The following BMPER variants were observed in gnomAD, a reference collection of about 807,000 sequenced individuals.
BMPER encodes BMP-binding endothelial regulator protein.
BMPER carries 45 observed loss-of-function variants against 87.3 expected under a neutral mutation model. The observed-to-expected ratio is 0.52, with a 90% confidence interval of 0.41 to 0.66. BMPER has a LOEUF of 0.66. BMPER is among the 30% of genes least tolerant of loss of function. BMPER has a pLI of 0.00. For missense variants in BMPER, 784 were observed against 867.5 expected (o/e 0.90, Z 1.21); for synonymous variants, 326 against 316.2 (o/e 1.03, Z -0.33).
chr7:34,090,060 C>T (rs975924542), intron 13 of BMPER, among the ~76,000 whole-genome samples: 1 of 152,130 alleles, frequency 6.6e-6, no homozygotes, highest in Non-Finnish European at 1.5e-5. Flanking sequence ...CTTTAATTAA[C>T]TAACTGAATA....
At chr7:34,070,906 G>A (rs970319456) in intron 11 of BMPER, among the ~76,000 whole-genome samples, 2 of 150,830 alleles carry the variant, frequency 1.3e-5, no homozygotes, top group Non-Finnish European at 2.9e-5. Flanking sequence ...AAGAAATGCT[G>A]GTTGTTTGGA....
chr7:33,985,300 T>C (rs1785975606), intron 6 of BMPER, among the ~76,000 whole-genome samples: 1 of 152,230 alleles, frequency 6.6e-6, no homozygotes, highest in Non-Finnish European at 1.5e-5. Context: ...ATCCTTGTTA[T>C]TTTCATTTAA....
In BMPER at chr7:34,044,440, C is replaced by T. The variant is rs566366008; in HGVS notation, c.577-1866C>T. Among the ~76,000 whole-genome samples, 71 of 152,200 alleles carry T rather than the reference C, an allele frequency of 4.7e-4. 1 individual carries two copies. The highest frequency in any genetic ancestry group is 5.0e-4 in the Non-Finnish European group (34 of 68,046). On this transcript the variant is annotated intron_variant, in intron 6 of 14. Coordinates refer to ENST00000649409, the MANE Select transcript of BMPER (RefSeq NM_001365308.1). ...ATAGGCAACCTTGTGTGGCCCGAGG[C>T]TTCAGGATTTTAGGAAGTTGCTTGC...
intron 6 of BMPER, among the ~76,000 whole-genome samples, chr7:33,999,443 A>G (rs1562680580): frequency 6.6e-6 from 1 of 152,258 alleles, no homozygotes; most frequent in Non-Finnish European, 1.5e-5. Context: ...TTATTAGGAA[A>G]TAATTTTTGT....
At chr7:34,073,919 T>G (rs1340001548) in intron 11 of BMPER, among the ~76,000 whole-genome samples, 6 of 152,064 alleles carry the variant, frequency 3.9e-5, no homozygotes, top group Non-Finnish European at 8.8e-5. Flanking sequence ...TGTGAGGGAG[T>G]GCTGGGCAGG....
chr7:34,039,261 G>A (rs1281543757), intron 6 of BMPER, among the ~76,000 whole-genome samples: 5 of 152,158 alleles, frequency 3.3e-5, no homozygotes, highest in African/African-American at 1.2e-4. Flanking sequence ...GAAGCATTTG[G>A]CAAAGCACAG....
chr7:33,995,296 C>G (rs1449053473), intron 6 of BMPER, among the ~76,000 whole-genome samples: 1 of 152,026 alleles, frequency 6.6e-6, no homozygotes, highest in Non-Finnish European at 1.5e-5. Flanking sequence ...AGGCTCTCAT[C>G]CATTTTGGAG....
chr7:34,023,592 A>G (rs1037776849), intron 6 of BMPER, among the ~76,000 whole-genome samples: 4 of 152,010 alleles, frequency 2.6e-5, no homozygotes, highest in Admixed American at 2.6e-4. Context: ...TGTTTAAATC[A>G]TCTTCAAATC....
intron 9 of BMPER, 86 bp from the exon 10 acceptor site, chr7:34,057,973 C>G: frequency 1.6e-6 from 2 of 1,220,866 alleles, no homozygotes; most frequent in Non-Finnish European, 2.4e-6. Flanking sequence ...GCAAGAAATG[C>G]TTTCCTCCAT....
intron 14 of BMPER, among the ~76,000 whole-genome samples, chr7:34,148,360 C>T (rs930696757): frequency 1.1e-4 from 17 of 152,160 alleles, no homozygotes; most frequent in Non-Finnish European, 2.4e-4. Context: ...TCCCCTGTAC[C>T]TTGTTATTGT....
Position 33,905,754 on chromosome 7 carries a change from A to C in BMPER, c.133+8A>C. 4.3e-6 allele frequency: 2 copies of C among 469,798 alleles called. No homozygotes were observed. Among genetic ancestry groups the C allele is most frequent in the Non-Finnish European group, 3.6e-6 (1 of 275,996 alleles). 29.1% of individuals were successfully genotyped at this position (469,798 alleles called of 1,614,324 possible). On this transcript the variant is annotated splice_region_variant and intron_variant, in intron 1 of 14. Transcript: ENST00000649409. Reference sequence around the variant, plus strand: ...CTTCCTCCTTCTTGACAGGTAGGGGAGGGGGCGGGAGGGACCGGCCCTCCG... The same window carrying C: ...CTTCCTCCTTCTTGACAGGTAGGGGCGGGGGCGGGAGGGACCGGCCCTCCG...
chr7:33,933,610 G>A (rs564597323), intron 2 of BMPER, among the ~76,000 whole-genome samples: 42 of 152,180 alleles, frequency 2.8e-4, no homozygotes, highest in Admixed American at 2.1e-3. Context: ...CATCTCTGTT[G>A]ATATCCAAAT....
At chr7:34,043,091 T>C (rs1787873154) in intron 6 of BMPER, 1 of 152,212 alleles carries the variant, frequency 6.6e-6, no homozygotes, top group Admixed American at 6.5e-5. Flanking sequence ...CCATAATTTA[T>C]GTTTGGGGGC....
chr7:33,907,916 G>A (rs979789989), intron 2 of BMPER, among the ~76,000 whole-genome samples: 4 of 152,184 alleles, frequency 2.6e-5, no homozygotes, highest in Non-Finnish European at 5.9e-5. Context: ...CAAGAGTTGA[G>A]GTCAATGTTT....
At chr7:33,917,185 A>G (rs927552585) in intron 2 of BMPER, among the ~76,000 whole-genome samples, 2 of 152,108 alleles carry the variant, frequency 1.3e-5, no homozygotes, top group Non-Finnish European at 2.9e-5. Context: ...ACAATGAAAA[A>G]TGTCTCCCGA....
chr7:34,147,281 A>G (rs1791053332), intron 14 of BMPER, among the ~76,000 whole-genome samples: 2 of 152,226 alleles, frequency 1.3e-5, no homozygotes. Flanking sequence ...AAAGTCAGGT[A>G]TGGTGACCTT....
chr7:33,974,567 C>T, intron 5 of BMPER, 135 bp from the exon 6 acceptor site: 1 of 876,380 alleles, frequency 1.1e-6, no homozygotes, highest in Admixed American at 1.8e-5. Flanking sequence ...CACTATGCAG[C>T]AATCTTGTCC....
At chr7:34,062,186 A>G in intron 11 of BMPER, 139 bp downstream of exon 11, 1 of 699,498 alleles carries the variant, frequency 1.4e-6, no homozygotes, top group Admixed American at 2.5e-5. Context: ...ACCTCCCTAC[A>G]GTCACTTTAA....
chr7:34,076,389 ACCACTG>A (rs1189205426), intron 11 of BMPER, among the ~76,000 whole-genome samples: 1 of 152,174 alleles, frequency 6.6e-6, no homozygotes, highest in Non-Finnish European at 1.5e-5. Context: ...TCAAGGAATA[ACCACTG>A]TTTTCAATTT....
Sources: gnomAD v4.1 joint callset for allele counts (sites outside exome capture counted in the v4.1 genomes callset) on GRCh38, gnomAD v4.1.1 for gene constraint, MANE v1.5 for transcripts, NCBI Gene and HGNC (gene_info 2026-07-23, HGNC 2026-07-21) for gene names.